The following CDH13 variants were observed in gnomAD, a reference collection of about 807,000 sequenced individuals.
CDH13 encodes the protein cadherin-13.
In CDH13, 24 loss-of-function variants were observed where a neutral mutation model predicts 63.8. That is an observed-to-expected ratio of 0.38 (90% CI 0.27 to 0.53). CDH13 has a LOEUF of 0.53. Ranked by LOEUF, CDH13 falls within the 20% of genes least tolerant of loss-of-function variation. CDH13 has a pLI of 0.85. For missense variants in CDH13, 1,049 were observed against 903.1 expected (o/e 1.16, Z -2.07); for synonymous variants, 503 against 355.3 (o/e 1.42, Z -4.67).
At chr16:82,840,684 C>CAAAAAAA (rs753429857) in intron 1 of CDH13, among the ~76,000 whole-genome samples, 1 of 86,746 alleles carries the variant, frequency 1.2e-5, no homozygotes, top group Non-Finnish European at 2.2e-5. Context: ...GAATCCATCT[C>CAAAAAAA]AAAAAAAAAA....
At chr16:83,050,015 T>C in intron 3 of CDH13, among the ~76,000 whole-genome samples, 1 of 152,216 alleles carries the variant, frequency 6.6e-6, no homozygotes, top group East Asian at 1.9e-4. Context: ...GTTGTATACT[T>C]GCAAGATTTA....
At position 83,767,016 on chromosome 16, in the gene CDH13, C is replaced by G. The variant is rs571552609; in HGVS notation, c.1682-12952C>G. Reference sequence around the variant, plus strand: ...CTCGGAACGGTGAGTCAATTAAACCCCTTTCCCTTATAAATTACCCAGTCT... The same window carrying G: ...CTCGGAACGGTGAGTCAATTAAACCGCTTTCCCTTATAAATTACCCAGTCT... On this transcript the variant is annotated intron_variant, in intron 11 of 13. Coordinates refer to ENST00000567109, the MANE Select transcript of CDH13 (RefSeq NM_001257.5). Among the ~76,000 whole-genome samples, 6 of 152,214 alleles carry G rather than the reference C, an allele frequency of 3.9e-5. No homozygotes were observed. The South Asian group carries it at 6.2e-4, about 16-fold the overall frequency.
At chr16:83,124,285 A>G (rs527566992) in intron 3 of CDH13, among the ~76,000 whole-genome samples, 1 of 152,290 alleles carries the variant, frequency 6.6e-6, no homozygotes, top group African/African-American at 2.4e-5. Flanking sequence ...ACCTCAGGAG[A>G]TCGGCCTGCC....
chr16:83,048,579 G>A (rs2029908415), intron 3 of CDH13, among the ~76,000 whole-genome samples: 1 of 152,040 alleles, frequency 6.6e-6, no homozygotes, highest in Non-Finnish European at 1.5e-5. Flanking sequence ...TGGCCTTGCG[G>A]GTTCCTCTGC....
chr16:83,471,509 C>G (rs904576254), intron 6 of CDH13, among the ~76,000 whole-genome samples: 3 of 152,084 alleles, frequency 2.0e-5, no homozygotes, highest in Admixed American at 6.5e-5. Context: ...CTTCTGACCT[C>G]GTGATCCACC....
chr16:82,695,368 T>C (rs1318193312), intron 1 of CDH13, among the ~76,000 whole-genome samples: 3 of 152,224 alleles, frequency 2.0e-5, no homozygotes, highest in Non-Finnish European at 4.4e-5. Context: ...CAGGACTTGG[T>C]TGCCCAGAGG....
In CDH13 at chr16:83,313,517, G is replaced by T. The variant is rs150220674; in HGVS notation, c.637-31345G>T. On this transcript the variant is annotated intron_variant, in intron 5 of 13. Transcript: ENST00000567109. ...AAGCAATATAAGATTCAGCCAAATA[G>T]AGTGTGTCTGCCATTTTTAGAGGTT... Among the ~76,000 whole-genome samples the T allele has an allele frequency of 8.3e-4, 127 of 152,192 alleles. 1 individual carries two copies. The highest frequency in any genetic ancestry group is 3.1e-3 in the African/African-American group (127 of 41,534).
At chr16:82,893,712 T>C (rs1173840390) in intron 2 of CDH13, among the ~76,000 whole-genome samples, 1 of 152,198 alleles carries the variant, frequency 6.6e-6, no homozygotes, top group East Asian at 1.9e-4. Context: ...AGCTGACTTT[T>C]AATCATTGGG....
At chr16:83,015,197 TC>T (rs1191781660) in intron 2 of CDH13, among the ~76,000 whole-genome samples, 1 of 151,962 alleles carries the variant, frequency 6.6e-6, no homozygotes, top group Admixed American at 6.6e-5. Flanking sequence ...ACAGGCTGCA[TC>T]TCCTATTTCA....
chr16:83,534,552 A>G (rs942505334), intron 7 of CDH13, among the ~76,000 whole-genome samples: 6 of 152,218 alleles, frequency 3.9e-5, no homozygotes, highest in African/African-American at 1.4e-4. Context: ...GACTCAGGTG[A>G]TGCCTGTCTT....
chr16:82,977,148 A>G (rs886481853), intron 2 of CDH13, among the ~76,000 whole-genome samples: 1 of 152,192 alleles, frequency 6.6e-6, no homozygotes, highest in African/African-American at 2.4e-5. Flanking sequence ...AGTTCCCAAA[A>G]TTGAGCTCCA....
At chr16:83,543,052 G>A (rs1276311463) in intron 7 of CDH13, among the ~76,000 whole-genome samples, 1 of 152,222 alleles carries the variant, frequency 6.6e-6, no homozygotes, top group Non-Finnish European at 1.5e-5. Flanking sequence ...CTGCAAAAGT[G>A]CAAAGACAAC....
intron 3 of CDH13, among the ~76,000 whole-genome samples, chr16:83,046,004 TG>T (rs1408234223): frequency 1.3e-5 from 2 of 152,260 alleles, no homozygotes; most frequent in Non-Finnish European, 2.9e-5. Flanking sequence ...GTGTGATAGT[TG>T]CCAGGGTGGC....
chr16:82,914,469 C>A (rs1023043549), intron 2 of CDH13, among the ~76,000 whole-genome samples: 1 of 152,172 alleles, frequency 6.6e-6, no homozygotes, highest in East Asian at 1.9e-4. Flanking sequence ...TGTTTTTTCA[C>A]CTTGACTGAC....
rs56382330 is a variant in CDH13 at position 83,271,422 on chromosome 16, TAAAAA to T, written c.636+53951_636+53955del. On this transcript the variant is annotated intron_variant, in intron 5 of 13. Transcript: ENST00000567109. The stretch of plus-strand genomic sequence containing the variant: ...CTACCGCACATTGAGGCAGAGTTCA[TAAAAA>T]AAAAAAAAAAAAAAAAAAAAAAAAA... Among the ~76,000 whole-genome samples, 238 of 26,018 alleles carry T rather than the reference TAAAAA, an allele frequency of 9.1e-3. 4 individuals carry two copies. Among genetic ancestry groups the T allele is most frequent in the Middle Eastern group, 0.033 (1 of 30 alleles). The allele number at this position is 26,018 out of a possible 152,430, so 17.1% of individuals were successfully genotyped here. A position where few individuals can be genotyped will look rare whatever the true frequency, so the allele number is the denominator to read the frequency against.
intron 2 of CDH13, among the ~76,000 whole-genome samples, chr16:83,013,454 C>A (rs567192425): frequency 9.9e-5 from 15 of 152,236 alleles, no homozygotes; most frequent in African/African-American, 3.6e-4. Flanking sequence ...ATAAACAAAC[C>A]AAGCAAGCCA....
intron 1 of CDH13, among the ~76,000 whole-genome samples, chr16:82,678,389 C>G (rs1046710783): frequency 1.4e-5 from 2 of 147,264 alleles, no homozygotes; most frequent in African/African-American, 5.0e-5. Context: ...GTACTTTTTG[C>G]AGGGTATAAG....
intron 1 of CDH13, among the ~76,000 whole-genome samples, chr16:82,744,721 T>C (rs2151059491): frequency 6.6e-6 from 1 of 152,302 alleles, no homozygotes; most frequent in East Asian, 1.9e-4. Flanking sequence ...CAGTGAATAC[T>C]TCTATACACA....
Position 83,006,923 on chromosome 16 carries a change from TG to T in CDH13, c.158-25086del, listed in dbSNP as rs1406837332. Among the ~76,000 whole-genome samples, 350 of 134,452 alleles carry T rather than the reference TG, an allele frequency of 2.6e-3. 11 individuals carry two copies. Among genetic ancestry groups the T allele is most frequent in the African/African-American group, 8.4e-3 (302 of 36,004 alleles). The allele number at this position is 134,452 out of a possible 152,430, so 88.2% of individuals were successfully genotyped here. On this transcript the variant is annotated intron_variant, in intron 2 of 13. Coordinates refer to ENST00000567109, the MANE Select transcript of CDH13 (RefSeq NM_001257.5). ...GATTTTTTTTGTTTGTTTGTTTGTT[TG>T]TTTGTTTGTTTTTTTTGAGACAGAG...
Sources: allele counts gnomAD v4.1 joint callset (sites outside exome capture counted in the v4.1 genomes callset), GRCh38; gene constraint gnomAD v4.1.1; transcripts MANE v1.5; gene names NCBI Gene and HGNC (gene_info 2026-07-23, HGNC 2026-07-21).